DCC: variants seen among roughly 807,000 people sequenced by gnomAD.
The protein encoded by DCC is DCC netrin 1 receptor.
DCC carries 58 observed loss-of-function variants against 172.5 expected under a neutral mutation model. The ratio of observed to expected loss-of-function variants is 0.34; its 90% CI spans 0.27 to 0.42. DCC has a LOEUF of 0.42. Ranked by LOEUF, DCC falls within the 10% of genes least tolerant of loss-of-function variation. DCC has a pLI of 1.00. For synonymous variants in DCC, 709 were observed against 644.5 expected, an observed-to-expected ratio of 1.10 and a Z score of -1.52; for missense variants, 1,740 against 1,791.0, an observed-to-expected ratio of 0.97 and a Z score of 0.51.
At chr18:52,552,443 T>C (rs1456706459) in intron 1 of DCC, among the ~76,000 whole-genome samples, 1 of 152,014 alleles carries the variant, frequency 6.6e-6, no homozygotes, top group African/African-American at 2.4e-5. Context: ...TAAAGTTGAT[T>C]TGGGTATGAG....
chr18:52,717,246 A>T (rs181650895), intron 1 of DCC, among the ~76,000 whole-genome samples: 27 of 152,260 alleles, frequency 1.8e-4, no homozygotes, highest in Non-Finnish European at 2.2e-4. Flanking sequence ...CCATAAAGCT[A>T]AATAAAAGTG....
At chr18:52,610,879 A>G (rs74823644) in intron 1 of DCC, among the ~76,000 whole-genome samples, 1 of 152,154 alleles carries the variant, frequency 6.6e-6, no homozygotes. Context: ...GCATAGCTAT[A>G]TGAAAACAGG....
intron 12 of DCC, among the ~76,000 whole-genome samples, chr18:53,256,221 G>A (rs2056511001): frequency 6.6e-6 from 1 of 152,050 alleles, no homozygotes; most frequent in Non-Finnish European, 1.5e-5. Flanking sequence ...AGTTTAATTA[G>A]ATCCCATTTG....
At chr18:53,485,709 T>A (rs1238555282) in intron 25 of DCC, among the ~76,000 whole-genome samples, 3 of 152,088 alleles carry the variant, frequency 2.0e-5, no homozygotes, top group African/African-American at 7.2e-5. Flanking sequence ...TTAAAATCTT[T>A]TATCTTTTAT....
intron 22 of DCC, among the ~76,000 whole-genome samples, chr18:53,448,047 G>GTTTTTTTTTTTTTTTTTTTTTTT (rs35238619): frequency 8.8e-6 from 1 of 113,754 alleles, no homozygotes; most frequent in Non-Finnish European, 1.7e-5. Flanking sequence ...ATTTTGATGA[G>GTTTTTTTTTTTTTTTTTTTTTTT]TTTTTTTTTT....
At chr18:53,284,058 A>G (rs567626606) in intron 12 of DCC, among the ~76,000 whole-genome samples, 67 of 152,318 alleles carry the variant, frequency 4.4e-4, no homozygotes, top group African/African-American at 1.6e-3. Flanking sequence ...AAGACCTTTC[A>G]TAAATTTTAT....
At chr18:52,819,323 TAATA>T (rs1381997793) in intron 2 of DCC, among the ~76,000 whole-genome samples, 6 of 152,206 alleles carry the variant, frequency 3.9e-5, no homozygotes, top group African/African-American at 7.2e-5. Flanking sequence ...AAAAATAAAT[TAATA>T]ATTTTCTCAA....
intron 12 of DCC, among the ~76,000 whole-genome samples, chr18:53,284,394 G>C (rs1464106071): frequency 1.3e-5 from 2 of 152,060 alleles, no homozygotes; most frequent in Non-Finnish European, 2.9e-5. Context: ...TCTTTCCCGT[G>C]CTGTTTTTGT....
chr18:53,476,173 G>T (rs138525677), intron 25 of DCC, among the ~76,000 whole-genome samples: 2 of 152,328 alleles, frequency 1.3e-5, no homozygotes, highest in East Asian at 1.9e-4. Flanking sequence ...CAGGCTGATA[G>T]GTGGAAAGGA....
intron 1 of DCC, among the ~76,000 whole-genome samples, chr18:52,579,430 A>T (rs1213969200): frequency 6.6e-6 from 1 of 152,240 alleles, no homozygotes; most frequent in Non-Finnish European, 1.5e-5. Context: ...ACAGCATAAT[A>T]TGCAATAGGG....
At chr18:53,373,415 G>A (rs1471460749) in intron 15 of DCC, among the ~76,000 whole-genome samples, 1 of 152,014 alleles carries the variant, frequency 6.6e-6, no homozygotes, top group Non-Finnish European at 1.5e-5. Flanking sequence ...ATCCAAGTGA[G>A]CAACTAAAAT....
chr18:53,295,347 T>G (rs1211955127), intron 12 of DCC, among the ~76,000 whole-genome samples: 8 of 152,120 alleles, frequency 5.3e-5, no homozygotes. Flanking sequence ...TATTATATCA[T>G]ATTGATATTT....
intron 1 of DCC, among the ~76,000 whole-genome samples, chr18:52,459,761 G>A (rs1388442455): frequency 7.2e-5 from 11 of 151,952 alleles, no homozygotes; most frequent in East Asian, 1.9e-4. Context: ...GAGCAACCGC[G>A]CCCAGGCCCA....
chr18:52,598,277 C>T (rs1414034328), intron 1 of DCC, among the ~76,000 whole-genome samples: 1 of 152,078 alleles, frequency 6.6e-6, no homozygotes, highest in Non-Finnish European at 1.5e-5. Context: ...AAGAGAGACC[C>T]TTAGTATGAG....
chr18:53,052,204 C>T (rs1482194163), intron 5 of DCC, among the ~76,000 whole-genome samples: 2 of 151,950 alleles, frequency 1.3e-5, no homozygotes, highest in Admixed American at 6.6e-5. Flanking sequence ...CCACTAACTC[C>T]CTTTTCATTT....
At chr18:52,495,134 G>T (rs573156254) in intron 1 of DCC, among the ~76,000 whole-genome samples, 8 of 152,040 alleles carry the variant, frequency 5.3e-5, no homozygotes, top group Non-Finnish European at 8.8e-5. Flanking sequence ...TTTAATCCTT[G>T]TCTCCGTCAC....
chr18:53,466,059 C>T (rs762183034), intron 24 of DCC, among the ~76,000 whole-genome samples: 2 of 152,162 alleles, frequency 1.3e-5, no homozygotes, highest in Admixed American at 1.3e-4. Flanking sequence ...CCACCACGCC[C>T]AGCCAAAGCG....
At chr18:53,323,801 T>C (rs2057437277) in intron 14 of DCC, among the ~76,000 whole-genome samples, 1 of 152,106 alleles carries the variant, frequency 6.6e-6, no homozygotes, top group Non-Finnish European at 1.5e-5. Context: ...AAAAATACAT[T>C]GGCGATTGAG....
chr18:53,138,206 G>A (rs1020812232), intron 7 of DCC, among the ~76,000 whole-genome samples: 24 of 152,034 alleles, frequency 1.6e-4, no homozygotes, highest in African/African-American at 3.1e-4. Context: ...CTATTGTGTC[G>A]TCAGGGATGT....
Sources: allele counts gnomAD v4.1 joint callset (sites outside exome capture counted in the v4.1 genomes callset), GRCh38; gene constraint gnomAD v4.1.1; transcripts MANE v1.5; gene names NCBI Gene and HGNC (gene_info 2026-07-23, HGNC 2026-07-21).